Variants in KCNMB2 observed in about 807,000 individuals in gnomAD.
KCNMB2 encodes potassium calcium-activated channel subfamily M regulatory beta subunit 2.
Under a neutral mutation model 24.5 loss-of-function variants are expected in KCNMB2, and 9 were observed. The ratio of observed to expected loss-of-function variants is 0.37; its 90% CI spans 0.22 to 0.64. The LOEUF (loss-of-function observed/expected upper bound fraction) is 0.64, where lower values mean the gene tolerates loss of function less well. Ranked by LOEUF, KCNMB2 falls within the 30% of genes least tolerant of loss-of-function variation. KCNMB2 has a pLI of 0.63. For synonymous variants in KCNMB2, 109 were observed against 104.4 expected, an observed-to-expected ratio of 1.04 and a Z score of -0.27; for missense variants, 226 against 284.3, an observed-to-expected ratio of 0.79 and a Z score of 1.47.
At chr3:178,806,840 C>A (rs1269138915) in intron 1 of KCNMB2, among the ~76,000 whole-genome samples, 1 of 152,106 alleles carries the variant, frequency 6.6e-6, no homozygotes, top group Non-Finnish European at 1.5e-5. Context: ...CTGCCATGGG[C>A]AGATGCCACA....
intron 1 of KCNMB2, among the ~76,000 whole-genome samples, chr3:178,802,266 G>A (rs1269558544): frequency 2.6e-5 from 4 of 152,166 alleles, no homozygotes; most frequent in Admixed American, 2.6e-4. Flanking sequence ...TGTCATTAGT[G>A]TTACAGTTTT....
chr3:178,734,459 T>C (rs948970044), intron 1 of KCNMB2, among the ~76,000 whole-genome samples: 1 of 152,196 alleles, frequency 6.6e-6, no homozygotes, highest in African/African-American at 2.4e-5. Flanking sequence ...GGTCCACTGA[T>C]ATACCTCTGG....
At chr3:178,645,666 G>A (rs757972938) in intron 1 of KCNMB2, among the ~76,000 whole-genome samples, 60 of 152,058 alleles carry the variant, frequency 3.9e-4, no homozygotes, top group Non-Finnish European at 7.1e-4. Flanking sequence ...CAGTGTTAGT[G>A]GCACTTCCGT....
At chr3:178,683,289 A>C (rs2108321723) in intron 1 of KCNMB2, among the ~76,000 whole-genome samples, 1 of 151,872 alleles carries the variant, frequency 6.6e-6, no homozygotes, top group East Asian at 1.9e-4. Flanking sequence ...TGAGGACATA[A>C]AAATGGCAGC....
At chr3:178,648,245 A>G (rs1719989017) in intron 1 of KCNMB2, among the ~76,000 whole-genome samples, 1 of 152,194 alleles carries the variant, frequency 6.6e-6, no homozygotes, top group African/African-American at 2.4e-5. Flanking sequence ...TATGTCATAA[A>G]TAAGTTGTTT....
At chr3:178,826,461 T>C (rs1181702194) in intron 3 of KCNMB2, among the ~76,000 whole-genome samples, 1 of 152,164 alleles carries the variant, frequency 6.6e-6, no homozygotes, top group African/African-American at 2.4e-5. Flanking sequence ...TTGCTGTAGG[T>C]GTATTGAATG....
intron 1 of KCNMB2, among the ~76,000 whole-genome samples, chr3:178,762,999 T>C (rs1252569583): frequency 2.6e-5 from 4 of 151,908 alleles, no homozygotes; most frequent in Non-Finnish European, 4.4e-5. Flanking sequence ...TCCAGAGATA[T>C]AAATTTGGGA....
chr3:178,556,797 T>A (rs760426163), intron 1 of KCNMB2, among the ~76,000 whole-genome samples: 6 of 151,798 alleles, frequency 4.0e-5, no homozygotes, highest in Admixed American at 3.9e-4. Context: ...AATTTTACAG[T>A]GGCAAGGGTG....
intron 1 of KCNMB2, among the ~76,000 whole-genome samples, chr3:178,802,796 T>A (rs938672343): frequency 6.6e-6 from 1 of 152,118 alleles, no homozygotes; most frequent in East Asian, 1.9e-4. Flanking sequence ...CAGAACTTAA[T>A]GCTAATGAGA....
At chr3:178,552,286 A>C (rs938004826) in intron 1 of KCNMB2, among the ~76,000 whole-genome samples, 1 of 152,220 alleles carries the variant, frequency 6.6e-6, no homozygotes, top group Non-Finnish European at 1.5e-5. Flanking sequence ...AGAGTCCAGC[A>C]AAGAAGGAAA....
chr3:178,620,536 G>T (rs76536997), intron 1 of KCNMB2, among the ~76,000 whole-genome samples: 1 of 152,112 alleles, frequency 6.6e-6, no homozygotes, highest in Non-Finnish European at 1.5e-5. Flanking sequence ...GTTCATAGAC[G>T]GTACCTTCTC....
At chr3:178,732,186 T>C (rs1723174342) in intron 1 of KCNMB2, among the ~76,000 whole-genome samples, 1 of 152,228 alleles carries the variant, frequency 6.6e-6, no homozygotes, top group African/African-American at 2.4e-5. Context: ...TACTAAGGAA[T>C]TATTAAAATT....
Position 178,692,631 on chromosome 3 carries a change from G to C in KCNMB2, c.-67-114712G>C, listed in dbSNP as rs187794917. ...GCTGTTTTTGTGTCAGTACCATGCTGTTTTGGTTACTTCAACTCTGTAGTA... is the reference window on the plus strand; with the variant it reads ...GCTGTTTTTGTGTCAGTACCATGCTCTTTTGGTTACTTCAACTCTGTAGTA... On this transcript the variant is annotated intron_variant, in intron 1 of 4. Transcript: ENST00000452583. 2.1e-3 allele frequency among the ~76,000 whole-genome samples: 322 copies of C among 152,264 alleles called. 1 individual carries two copies. The highest frequency in any genetic ancestry group is 3.9e-3 in the Non-Finnish European group (264 of 68,022).
At chr3:178,634,588 C>T (rs1168914592) in intron 1 of KCNMB2, among the ~76,000 whole-genome samples, 1 of 152,118 alleles carries the variant, frequency 6.6e-6, no homozygotes, top group East Asian at 1.9e-4. Flanking sequence ...CCACCAGGTC[C>T]TTCCCATGAT....
rs375634544 is a variant in KCNMB2 at position 178,671,112 on chromosome 3, C to T, written c.-68+134401C>T. Among the ~76,000 whole-genome samples the T allele has an allele frequency of 4.9e-4, 74 of 149,778 alleles. No homozygotes were observed. The South Asian group carries it at 0.013, about 27-fold the overall frequency. On this transcript the variant is annotated intron_variant, in intron 1 of 4. Coordinates refer to ENST00000452583, the MANE Select transcript of KCNMB2 (RefSeq NM_181361.3). ...CCCCCCTCACCACCACCCCCCACCC[C>T]AAAACACACGTACAAACACACAGGC...
intron 1 of KCNMB2, among the ~76,000 whole-genome samples, chr3:178,673,180 CCCTAGTTA>C (rs1446336301): frequency 2.0e-4 from 30 of 152,140 alleles, no homozygotes. Context: ...AAAACCTCAA[CCCTAGTTA>C]AATTCAACTC....
At chr3:178,586,142 G>A (rs1465510839) in intron 1 of KCNMB2, among the ~76,000 whole-genome samples, 1 of 152,294 alleles carries the variant, frequency 6.6e-6, no homozygotes, top group East Asian at 1.9e-4. Context: ...TAAGCCCATG[G>A]ATGTGTCAAG....
intron 1 of KCNMB2, among the ~76,000 whole-genome samples, chr3:178,609,838 A>ACGT (rs1038364488): frequency 6.6e-6 from 1 of 151,910 alleles, no homozygotes; most frequent in African/African-American, 2.4e-5. Context: ...GAGTTTTGCC[A>ACGT]CGTTGCTCAG....
chr3:178,776,161 C>A (rs1712570954), intron 1 of KCNMB2, among the ~76,000 whole-genome samples: 1 of 151,838 alleles, frequency 6.6e-6, no homozygotes, highest in Non-Finnish European at 1.5e-5. Context: ...TCCATCCACT[C>A]ATCCACTCAA....
Sources: gnomAD v4.1 joint callset for allele counts (sites outside exome capture counted in the v4.1 genomes callset) on GRCh38, gnomAD v4.1.1 for gene constraint, MANE v1.5 for transcripts, NCBI Gene and HGNC (gene_info 2026-07-23, HGNC 2026-07-21) for gene names.